CNTRL: variants seen among roughly 807,000 people sequenced by gnomAD.
The protein encoded by CNTRL is 110 kDa centrosomal protein.
In CNTRL, 233 loss-of-function variants were observed where a neutral mutation model predicts 303.7. The ratio of observed to expected loss-of-function variants is 0.77; its 90% CI spans 0.69 to 0.86. The LOEUF is 0.86. Ranked by LOEUF, CNTRL falls within the 40% of genes least tolerant of loss-of-function variation. The pLI is 0.00. For missense variants in CNTRL, 2,524 were observed against 2,650.6 expected (o/e 0.95, Z 1.05); for synonymous variants, 900 against 922.2 (o/e 0.98, Z 0.44).
intron 16 of CNTRL, among the ~76,000 whole-genome samples, chr9:121,139,335 T>A (rs756566693): frequency 2.0e-5 from 3 of 152,158 alleles, no homozygotes; most frequent in Non-Finnish European, 4.4e-5. Flanking sequence ...TCTGTGAGGT[T>A]GCGGGCCTCT....
intron 27 of CNTRL, among the ~76,000 whole-genome samples, chr9:121,156,517 A>G (rs950846399): frequency 9.2e-5 from 14 of 152,234 alleles, no homozygotes; most frequent in African/African-American, 3.1e-4. Context: ...GGAAAGACGT[A>G]TGGTAAAATA....
At chr9:121,136,741 A>C (rs1400862440) in intron 15 of CNTRL, among the ~76,000 whole-genome samples, 1 of 152,228 alleles carries the variant, frequency 6.6e-6, no homozygotes, top group Non-Finnish European at 1.5e-5. Context: ...TTGATTGGCC[A>C]TTGAGGGCCA....
chr9:121,079,040 T>A (rs2048039236), intron 1 of CNTRL, among the ~76,000 whole-genome samples: 1 of 152,138 alleles, frequency 6.6e-6, no homozygotes, highest in Non-Finnish European at 1.5e-5. Context: ...CCTCCCTCTT[T>A]CTAGTGACCA....
rs1208344675 is a variant in CNTRL, at chr9:121,123,976, A to G, written c.1696A>G (p.Ile566Val). 4.3e-6 allele frequency: 7 copies of G among 1,612,350 alleles called. No homozygotes were observed. The highest frequency in any genetic ancestry group is 5.9e-6 in the Non-Finnish European group (7 of 1,179,298). The change falls in exon 13 of 44, where the codon ATT (isoleucine) becomes GTT (valine). Residue 566 changes from isoleucine (I) to valine (V), a missense_variant. By Grantham distance (29) the Ile-to-Val change is conservative. Coordinates refer to ENST00000373855, the MANE Select transcript of CNTRL (RefSeq NM_007018.6). ...QKSGKEQQLD[I>V]MNKQYQQLES... ...GAGCGGTAAAGAACAACAGCTTGAC[A>G]TTATGAACAAGCAGTACCAACAACT... is the stretch of plus-strand genomic sequence containing the variant.
In CNTRL at chr9:121,169,604, AT is replaced by A; in HGVS notation, c.6071-4del. 16 of 1,613,972 alleles carry A rather than the reference AT, an allele frequency of 9.9e-6. No homozygotes were observed. Among genetic ancestry groups the A allele is most frequent in the Non-Finnish European group, 1.4e-5 (16 of 1,179,954 alleles). ...TTGGCTAAACCTACTGAAAATGCTC[AT>A]TTCAGAACGGCAGCTTTCAGAAAGG... On this transcript the variant is annotated splice_polypyrimidine_tract_variant and splice_region_variant and intron_variant, in intron 38 of 43. Coordinates refer to ENST00000373855, the MANE Select transcript of CNTRL (RefSeq NM_007018.6).
chr9:121,138,954 A>C (rs930643610), intron 16 of CNTRL, among the ~76,000 whole-genome samples: 1 of 152,222 alleles, frequency 6.6e-6, no homozygotes, highest in Admixed American at 6.5e-5. Flanking sequence ...ACTCATGGGC[A>C]AAAGCAGTAT....
chr9:121,161,950 G>A lies in CNTRL; in HGVS notation c.5184G>A (p.Lys1728=). The A allele has an allele frequency of 6.2e-7, 1 of 1,614,110 alleles. No homozygotes were observed. The highest frequency in any genetic ancestry group is 8.5e-7 in the Non-Finnish European group (1 of 1,179,962). Residue 1728 remains lysine, a synonymous_variant, in exon 33 of 44, where the codon AAG becomes AAA. Coordinates refer to ENST00000373855, the MANE Select transcript of CNTRL (RefSeq NM_007018.6). ...QHDQRVSELE[K]TQVAVLEEKL... ...ACCAAAGGGTATCTGAATTAGAGAA[G>A]ACTCAGGTGGCAGTGCTAGAGGTAA...
At position 121,154,728 on chromosome 9, in the gene CNTRL, A is replaced by G; in HGVS notation, c.4180A>G (p.Ile1394Val). Residue 1394 changes from isoleucine (I) to valine (V), a missense_variant, in exon 27 of 44, where the codon ATT becomes GTT. Transcript: ENST00000373855. The part of the protein sequence containing the change: ...VQKRQQQKDF[I>V]DGNVESLMTE... The stretch of plus-strand genomic sequence containing the variant: ...GTATATATTATTTTTTAGGGACTTC[A>G]TTGATGGAAATGTTGAGAGTCTTAT... 3.1e-6 allele frequency: 5 copies of G among 1,593,808 alleles called. No homozygotes were observed. The highest frequency in any genetic ancestry group is 4.3e-6 in the Non-Finnish European group (5 of 1,162,598).
intron 4 of CNTRL, among the ~76,000 whole-genome samples, 169 bp downstream of exon 4, chr9:121,090,574 T>A (rs1360021973): frequency 6.6e-6 from 1 of 152,238 alleles, no homozygotes; most frequent in Non-Finnish European, 1.5e-5. Context: ...AATAAGTTTC[T>A]ATTACTCAAT....
At chr9:121,175,293 G>C (rs545764331) in intron 43 of CNTRL, 69 bp downstream of exon 43, 1 of 1,433,066 alleles carries the variant, frequency 7.0e-7, no homozygotes, top group Non-Finnish European at 9.7e-7. Context: ...TTGAGACAAG[G>C]TCTTGCCCTA....
At chr9:121,141,706 TATAAC>T (rs1215044871) in intron 18 of CNTRL, 118 bp downstream of exon 18, 1 of 994,074 alleles carries the variant, frequency 1.0e-6, no homozygotes, top group Non-Finnish European at 1.5e-6. Flanking sequence ...TATTTTCACT[TATAAC>T]AAGTCAAGCT....
intron 14 of CNTRL, among the ~76,000 whole-genome samples, chr9:121,132,772 A>G (rs1216043834): frequency 6.6e-6 from 1 of 152,118 alleles, no homozygotes; most frequent in Non-Finnish European, 1.5e-5. Flanking sequence ...TTGTGGTTTT[A>G]TCTACCTTTG....
At chr9:121,173,820 G>A (rs2053413715) in intron 42 of CNTRL, 83 bp downstream of exon 42, 1 of 1,265,130 alleles carries the variant, frequency 7.9e-7, no homozygotes, top group Non-Finnish European at 1.2e-6. Flanking sequence ...TTTACCTGAT[G>A]CTTTCACATC....
At position 121,173,261 on chromosome 9, in the gene CNTRL, T is replaced by A. The variant is rs1370650089; in HGVS notation, c.6436T>A (p.Leu2146Met). Residue 2146 changes from leucine to methionine, a missense_variant, in exon 41 of 44, where the codon TTG becomes ATG. Leu to Met is a conservative substitution (Grantham distance 15). Transcript: ENST00000373855. ...LKKQMANQKD[L>M]ERRQMEISDA... is the part of the protein sequence containing the mutation. ...TGTTTAGATGGCAAACCAAAAAGAT[T>A]TGGAGAGAAGACAAATGGAAATCAG... 1.2e-6 allele frequency: 2 copies of A among 1,610,230 alleles called. No homozygotes were observed. Among genetic ancestry groups the A allele is most frequent in the South Asian group, 2.2e-5 (2 of 90,186 alleles).
intron 2 of CNTRL, among the ~76,000 whole-genome samples, chr9:121,084,999 G>A (rs555213369): frequency 6.6e-6 from 1 of 152,254 alleles, no homozygotes; most frequent in East Asian, 1.9e-4. Context: ...ATTAACAAAT[G>A]CTTTAGTTCC....
rs560865457 is a variant in CNTRL at position 121,094,988 on chromosome 9, G to A, written c.449G>A (p.Arg150His). ...AAGTTGGACAAGCTGTTAAAATTAC[G>A]TGAACTCAACTTATCATATAACAAA... ...IEKLDKLLKL[R>H]ELNLSYNKIS... is the part of the protein sequence containing the mutation. The change falls in exon 5 of 44, where the codon CGT (arginine) becomes CAT (histidine). Residue 150 changes from arginine (R) to histidine (H), a missense_variant. Transcript: ENST00000373855. 1.1e-5 allele frequency: 17 copies of A among 1,607,856 alleles called. No homozygotes were observed. Among genetic ancestry groups the A allele is most frequent in the Middle Eastern group, 3.3e-4 (2 of 6,044 alleles).
chr9:121,119,835 G>A (rs751060543), intron 12 of CNTRL, among the ~76,000 whole-genome samples: 13 of 152,128 alleles, frequency 8.5e-5, no homozygotes, highest in East Asian at 1.9e-4. Context: ...AGGGGGTTGC[G>A]AGTCCTTTTT....
intron 36 of CNTRL, 33 bp from the exon 37 acceptor site, chr9:121,167,456 A>T (rs2053141155): frequency 6.3e-7 from 1 of 1,588,080 alleles, no homozygotes; most frequent in Admixed American, 1.8e-5. Flanking sequence ...AGATGGCTTT[A>T]TTAGTAGTTT....
At chr9:121,145,443 C>T (rs2051791763) in intron 22 of CNTRL, 58 bp downstream of exon 22, 2 of 1,511,886 alleles carry the variant, frequency 1.3e-6, no homozygotes, top group African/African-American at 1.4e-5. Flanking sequence ...ATTAAATCAT[C>T]TCATTTGTTT....
Sources: allele counts gnomAD v4.1 joint callset (sites outside exome capture counted in the v4.1 genomes callset), GRCh38; gene constraint gnomAD v4.1.1; transcripts MANE v1.5; gene names NCBI Gene and HGNC (gene_info 2026-07-23, HGNC 2026-07-21).